The following SOHLH2 variants were observed in gnomAD, a reference collection of about 807,000 sequenced individuals.
SOHLH2 encodes the protein spermatogenesis- and oogenesis-specific basic helix-loop-helix-containing protein 2.
A neutral mutation model predicts 50.4 loss-of-function variants in SOHLH2; 22 were observed. The observed-to-expected ratio is 0.44, with a 90% CI of 0.31 to 0.62. SOHLH2 has a LOEUF of 0.62. SOHLH2 is among the 20% of genes least tolerant of loss of function. The pLI is 0.08. For missense variants in SOHLH2, 412 were observed against 504.4 expected, an observed-to-expected ratio of 0.82 and a Z score of 1.76; for synonymous variants, 185 against 187.3, an observed-to-expected ratio of 0.99 and a Z score of 0.10.
intron 6 of SOHLH2, among the ~76,000 whole-genome samples, chr13:36,188,877 T>A (rs79125877): frequency 0.018 from 2,817 of 152,296 alleles, 43 homozygotes; most frequent in Non-Finnish European, 0.029. Flanking sequence ...GTGTCCTCAT[T>A]CCTCTGAGCC....
rs1453707380 is a variant in SOHLH2 at position 36,174,534 on chromosome 13, A to G, written c.823T>C (p.Cys275Arg). The change falls in exon 8 of 11, where the codon TGT (cysteine) becomes CGT (arginine). Residue 275 changes from cysteine (C) to arginine (R), a missense_variant. Physicochemically the swap from Cys to Arg is radical, Grantham distance 180. Coordinates refer to ENST00000379881, the MANE Select transcript of SOHLH2 (RefSeq NM_017826.3). The part of the protein sequence containing the change: ...TEALQSNMRF[C>R]KKQQTPIELS... Reference sequence around the variant, plus strand: ...TCAATGGGTGTTTGTTGTTTCTTACAAAACCTCATGTTGCTCTGAAGTGCT... The same window carrying G: ...TCAATGGGTGTTTGTTGTTTCTTACGAAACCTCATGTTGCTCTGAAGTGCT... 6.2e-7 allele frequency: 1 copy of G among 1,614,222 alleles called. No homozygotes were observed. Among genetic ancestry groups the G allele is most frequent in the South Asian group, 1.1e-5 (1 of 91,088 alleles).
chr13:36,203,227 T>C (rs977040356), intron 1 of SOHLH2, among the ~76,000 whole-genome samples: 2 of 152,204 alleles, frequency 1.3e-5, no homozygotes, highest in African/African-American at 4.8e-5. Context: ...ATACATAGCT[T>C]TTCATAAATG....
chr13:36,194,981 T>C (rs1887680095), intron 2 of SOHLH2, among the ~76,000 whole-genome samples: 1 of 152,154 alleles, frequency 6.6e-6, no homozygotes, highest in Admixed American at 6.6e-5. Context: ...TTTATATATC[T>C]GAGTCATATA....
chr13:36,178,221 A>C (rs1216078029), intron 6 of SOHLH2, among the ~76,000 whole-genome samples: 1 of 152,144 alleles, frequency 6.6e-6, no homozygotes, highest in Non-Finnish European at 1.5e-5. Context: ...GATTCAACTG[A>C]ATAGTGTCAT....
At position 36,170,779 on chromosome 13, in the gene SOHLH2, T is replaced by C. The variant is rs1422319088; in HGVS notation, c.1009A>G (p.Ser337Gly). 20 of 1,611,888 alleles carry C rather than the reference T, an allele frequency of 1.2e-5. No individual in the cohort carries two copies. The highest frequency in any genetic ancestry group is 2.7e-5 in the African/African-American group (2 of 74,972). ...SLDEAVRVPS[S>G]SASENAIGDP... ...CCAATAGCATTCTCTGAGGCGGAGC[T>C]TGATGGAACTTTAATGAGAAAGAAA... Residue 337 changes from serine to glycine, a missense_variant, in exon 10 of 11, where the codon AGC becomes GGC. Physicochemically the swap from Ser to Gly is moderately conservative, Grantham distance 56 (BLOSUM62 0). Transcript: ENST00000379881.
chr13:36,169,844 G>A (rs956359702), intron 10 of SOHLH2, among the ~76,000 whole-genome samples: 4 of 152,148 alleles, frequency 2.6e-5, no homozygotes, highest in African/African-American at 7.2e-5. Context: ...TTCTCCAGGG[G>A]TGAGCAGTCA....
chr13:36,190,482 T>G (rs1360426030), intron 5 of SOHLH2, among the ~76,000 whole-genome samples: 1 of 152,198 alleles, frequency 6.6e-6, no homozygotes, highest in Non-Finnish European at 1.5e-5. Flanking sequence ...GTTCCCTCCA[T>G]TTTAAAATTT....
At chr13:36,180,346 T>C (rs961223238) in intron 6 of SOHLH2, among the ~76,000 whole-genome samples, 9 of 152,224 alleles carry the variant, frequency 5.9e-5, no homozygotes, top group Admixed American at 1.3e-4. Context: ...CTTCCTAAGA[T>C]GGAACCTTAT....
At chr13:36,170,159 A>G (rs987071777) in intron 10 of SOHLH2, among the ~76,000 whole-genome samples, 14 of 152,176 alleles carry the variant, frequency 9.2e-5, no homozygotes, top group African/African-American at 3.4e-4. Flanking sequence ...AGAGATAAGT[A>G]GCAGTTAGTT....
At position 36,184,459 on chromosome 13, in the gene SOHLH2, C is replaced by CTTT. The variant is rs764218457; in HGVS notation, c.641+5486_641+5487insAAA. ...TGATGGAAGTTTCTACCTACAAAGA[C>CTTT]CTTTTTTTTTTTTTTTTTTTGAGAC... On this transcript the variant is annotated intron_variant, in intron 6 of 10. Transcript: ENST00000379881. 3.4e-4 allele frequency among the ~76,000 whole-genome samples: 28 copies of CTTT among 81,648 alleles called. 2 individuals carry two copies. The highest frequency in any genetic ancestry group is 8.0e-4 in the East Asian group (2 of 2,502). 53.6% of individuals were successfully genotyped at this position (81,648 alleles called of 152,430 possible). A position where few individuals can be genotyped will look rare whatever the true frequency, so the allele number is the denominator to read the frequency against.
intron 6 of SOHLH2, among the ~76,000 whole-genome samples, chr13:36,180,385 T>C (rs1248491887): frequency 1.3e-5 from 2 of 152,210 alleles, no homozygotes; most frequent in Non-Finnish European, 2.9e-5. Flanking sequence ...TTTTGCCTTA[T>C]CTAATATAAG....
In SOHLH2 at chr13:36,214,468, C is replaced by G. The variant is rs772906790; in HGVS notation, c.48+11G>C. The G allele has an allele frequency of 6.2e-6, 10 of 1,612,368 alleles. No individual in the cohort carries two copies. The highest frequency in any genetic ancestry group is 8.5e-6 in the Non-Finnish European group (10 of 1,179,358). ...ATAAACGCAGCTGCCTCCCCTTCCA[C>G]AGCCTCTTACCTGGCCCGAGATCTG... On this transcript the variant is annotated intron_variant, in intron 1 of 10. Coordinates refer to ENST00000379881, the MANE Select transcript of SOHLH2 (RefSeq NM_017826.3).
At chr13:36,175,739 C>T (rs532471974) in intron 6 of SOHLH2, among the ~76,000 whole-genome samples, 3 of 152,048 alleles carry the variant, frequency 2.0e-5, no homozygotes, top group South Asian at 4.1e-4. Context: ...GTTTGACATA[C>T]GGCCAATGAA....
At chr13:36,170,442 C>T in intron 10 of SOHLH2, 89 bp downstream of exon 10, 1 of 1,493,370 alleles carries the variant, frequency 6.7e-7, no homozygotes, top group Non-Finnish European at 8.9e-7. Flanking sequence ...AGCCTTCCAA[C>T]CAGAGTAGCA....
intron 2 of SOHLH2, among the ~76,000 whole-genome samples, chr13:36,198,549 A>G (rs2138312470): frequency 6.6e-6 from 1 of 152,362 alleles, no homozygotes; most frequent in African/African-American, 2.4e-5. Context: ...GATGAAAACA[A>G]ATTAGGCAGT....
chr13:36,176,188 G>A (rs1887092397), intron 6 of SOHLH2, among the ~76,000 whole-genome samples: 1 of 152,098 alleles, frequency 6.6e-6, no homozygotes, highest in African/African-American at 2.4e-5. Flanking sequence ...TAGAAGTGAA[G>A]CCTAGGAAAA....
chr13:36,186,272 G>A (rs745831526), intron 6 of SOHLH2, among the ~76,000 whole-genome samples: 1 of 151,934 alleles, frequency 6.6e-6, no homozygotes, highest in Non-Finnish European at 1.5e-5. Context: ...AAGACTAGAA[G>A]GAAACATTTT....
At position 36,176,134 on chromosome 13, in the gene SOHLH2, C is replaced by G. The variant is rs1268616925; in HGVS notation, c.642-1265G>C. On this transcript the variant is annotated intron_variant, in intron 6 of 10. Coordinates refer to ENST00000379881, the MANE Select transcript of SOHLH2 (RefSeq NM_017826.3). ...ATAAAGCTTATTGGGGAAAAGTAGG[C>G]CACAAAACAGCATATAAAATATAAT... is the stretch of plus-strand genomic sequence containing the variant. 5.3e-5 allele frequency among the ~76,000 whole-genome samples: 8 copies of G among 152,106 alleles called. No homozygotes were observed. The South Asian group carries it at 1.7e-3, about 32-fold the overall frequency.
At chr13:36,185,255 T>G (rs1386521647) in intron 6 of SOHLH2, among the ~76,000 whole-genome samples, 1 of 151,826 alleles carries the variant, frequency 6.6e-6, no homozygotes, top group East Asian at 1.9e-4. Context: ...GATCACGAGG[T>G]CAGGAGTTTG....
Sources: gnomAD v4.1 joint callset for allele counts (sites outside exome capture counted in the v4.1 genomes callset) on GRCh38, gnomAD v4.1.1 for gene constraint, MANE v1.5 for transcripts, NCBI Gene and HGNC (gene_info 2026-07-23, HGNC 2026-07-21) for gene names.